The following ITPRID1 variants were observed in gnomAD, a reference collection of about 807,000 sequenced individuals.
ITPRID1 encodes protein ITPRID1.
In ITPRID1, 96 loss-of-function variants were observed where a neutral mutation model predicts 95.4. That is an observed-to-expected ratio of 1.01 (90% confidence interval 0.85 to 1.19). The LOEUF is 1.19. Among genes scored for constraint, ITPRID1 ranks in the 50% most tolerant of loss-of-function variants. ITPRID1 has a pLI of 0.00. For synonymous variants in ITPRID1, 510 were observed against 453.6 expected, an observed-to-expected ratio of 1.12 and a Z score of -1.58; for missense variants, 1,339 against 1,252.9, an observed-to-expected ratio of 1.07 and a Z score of -1.04.
chr7:31,554,103 TG>T (rs1784372032), intron 3 of ITPRID1, among the ~76,000 whole-genome samples: 1 of 152,214 alleles, frequency 6.6e-6, no homozygotes, highest in Admixed American at 6.5e-5. Flanking sequence ...AGAGGCTTTG[TG>T]GTGATTTATA....
chr7:31,638,513 AT>A (rs1022151406), intron 10 of ITPRID1, among the ~76,000 whole-genome samples: 4 of 151,980 alleles, frequency 2.6e-5, no homozygotes, highest in African/African-American at 9.7e-5. Flanking sequence ...GACATTGTTA[AT>A]TTTTTTTGTT....
chr7:31,622,804 T>A (rs978069962), intron 10 of ITPRID1, among the ~76,000 whole-genome samples: 12 of 152,000 alleles, frequency 7.9e-5, no homozygotes, highest in African/African-American at 2.9e-4. Context: ...CTTCAAAAAA[T>A]TAATGAATCC....
intron 12 of ITPRID1, among the ~76,000 whole-genome samples, chr7:31,645,512 A>G (rs1259686198): frequency 6.6e-6 from 1 of 152,014 alleles, no homozygotes; most frequent in African/African-American, 2.4e-5. Flanking sequence ...AACAAAACCT[A>G]ATGTATGCTG....
At chr7:31,658,171 T>A, downstream of ITPRID1, 1 of 1,048,926 alleles carries the variant, frequency 9.5e-7, no homozygotes, top group East Asian at 2.7e-5. Context: ...ATAGGCCATG[T>A]AGATTTGTGT....
In ITPRID1 at chr7:31,593,036, G is replaced by T. The variant is rs13230290; in HGVS notation, c.1228+9845G>T. On this transcript the variant is annotated intron_variant, in intron 10 of 14. Transcript: ENST00000615280. ...AATTAACAATCGCGCTGGGCACAGC[G>T]TCTCATGCCTGTAATCCTGACACTT... Among the ~76,000 whole-genome samples the T allele has an allele frequency of 4.7e-4, 71 of 152,122 alleles. 1 individual carries two copies. The highest frequency in any genetic ancestry group is 2.1e-4 in the Non-Finnish European group (14 of 68,036).
intron 1 of ITPRID1, among the ~76,000 whole-genome samples, chr7:31,542,460 A>G (rs1298675765): frequency 6.6e-6 from 1 of 152,136 alleles, no homozygotes; most frequent in Admixed American, 6.6e-5. Context: ...TAAACAACCA[A>G]TTAATTTACT....
intron 1 of ITPRID1, chr7:31,529,824 G>T: frequency 6.5e-7 from 1 of 1,534,384 alleles, no homozygotes; most frequent in South Asian, 1.2e-5. Flanking sequence ...CTTTATTCTG[G>T]TACAGTAACT....
In ITPRID1 at chr7:31,635,801, A is replaced by G. The variant is rs895278709; in HGVS notation, c.1229-6375A>G. 1.7e-4 allele frequency among the ~76,000 whole-genome samples: 26 copies of G among 152,078 alleles called. 1 individual carries two copies. The highest frequency in any genetic ancestry group is 6.3e-4 in the African/African-American group (26 of 41,414). ...GGGAGGGCGGGGGTCAGAGGAGAGG[A>G]ACAGGAAAAATAGCTAATGCATGCC... On this transcript the variant is annotated intron_variant, in intron 10 of 14. Coordinates refer to ENST00000615280, the MANE Select transcript of ITPRID1 (RefSeq NM_001257967.3).
chr7:31,514,842 A>G (rs969678847), intron 1 of ITPRID1, among the ~76,000 whole-genome samples: 2 of 151,880 alleles, frequency 1.3e-5, no homozygotes, highest in African/African-American at 4.8e-5. Context: ...TGCTTTATAT[A>G]TACTATAAAC....
intron 5 of ITPRID1, among the ~76,000 whole-genome samples, chr7:31,568,774 C>T (rs543469908): frequency 6.6e-6 from 1 of 152,288 alleles, no homozygotes; most frequent in East Asian, 1.9e-4. Flanking sequence ...AAAAACCTTT[C>T]GTGGTTTTCA....
chr7:31,620,938 G>A (rs1346764905), intron 10 of ITPRID1, among the ~76,000 whole-genome samples: 1 of 151,998 alleles, frequency 6.6e-6, no homozygotes, highest in South Asian at 2.1e-4. Flanking sequence ...GAAAGCCAAG[G>A]CTCAAGAACT....
intron 8 of ITPRID1, 57 bp from the exon 9 acceptor site, chr7:31,577,806 T>C (rs1432663564): frequency 7.1e-7 from 1 of 1,413,672 alleles, no homozygotes; most frequent in Admixed American, 2.6e-5. Context: ...ACTACGTTAA[T>C]ATGGTTTCAG....
At chr7:31,615,503 C>T (rs548377331) in intron 10 of ITPRID1, among the ~76,000 whole-genome samples, 56 of 152,204 alleles carry the variant, frequency 3.7e-4, no homozygotes, top group Non-Finnish European at 6.0e-4. Flanking sequence ...TTTAAATTCT[C>T]TTATGCTATT....
intron 4 of ITPRID1, 56 bp from the exon 5 acceptor site, chr7:31,554,802 T>C: frequency 1.4e-6 from 2 of 1,380,886 alleles, no homozygotes; most frequent in Non-Finnish European, 2.0e-6. Context: ...AAAAGTAATT[T>C]AGTATAATTT....
At chr7:31,645,338 TTAAA>T (rs1331239517) in intron 12 of ITPRID1, among the ~76,000 whole-genome samples, 3 of 152,322 alleles carry the variant, frequency 2.0e-5, no homozygotes, top group Admixed American at 2.0e-4. Flanking sequence ...ACAGGAAAGT[TTAAA>T]TAATTTATCA....
intron 10 of ITPRID1, among the ~76,000 whole-genome samples, chr7:31,636,981 C>T (rs910227979): frequency 6.8e-5 from 10 of 147,306 alleles, no homozygotes; most frequent in East Asian, 4.1e-4. Flanking sequence ...TGAGAACATG[C>T]GGTGTTTGGT....
chr7:31,519,540 G>C (rs1203537678), intron 1 of ITPRID1, among the ~76,000 whole-genome samples: 1 of 129,132 alleles, frequency 7.7e-6, no homozygotes, highest in African/African-American at 2.8e-5. Flanking sequence ...TCTATACATA[G>C]ATATATACGC....
intron 10 of ITPRID1, among the ~76,000 whole-genome samples, chr7:31,639,544 T>TTTTTTTTTTTTTTTTTG (rs1562644465): frequency 1.5e-5 from 2 of 135,188 alleles, no homozygotes; most frequent in Non-Finnish European, 3.2e-5. Flanking sequence ...TTTTGTTTTT[T>TTTTTTTTTTTTTTTTTG]TTTTTTTTTT....
downstream of ITPRID1, among the ~76,000 whole-genome samples, chr7:31,657,114 A>T (rs1160006241): frequency 1.1e-3 from 1 of 870 alleles, no homozygotes; most frequent in Non-Finnish European, 2.7e-3. Context: ...AATATATATA[A>T]AATCATATAT....
Sources: gnomAD v4.1 joint callset for allele counts (sites outside exome capture counted in the v4.1 genomes callset) on GRCh38, gnomAD v4.1.1 for gene constraint, MANE v1.5 for transcripts, NCBI Gene and HGNC (gene_info 2026-07-23, HGNC 2026-07-21) for gene names.